SLCO1C1: variants seen among roughly 807,000 people sequenced by gnomAD.
SLCO1C1 encodes the protein OAT-RP-5.
SLCO1C1 carries 70 observed loss-of-function variants against 76.4 expected under a neutral mutation model. The ratio of observed to expected loss-of-function variants is 0.92; its 90% CI spans 0.76 to 1.12. The LOEUF (loss-of-function observed/expected upper bound fraction) is 1.12, where lower values mean the gene tolerates loss of function less well. SLCO1C1 is among the 50% of genes most tolerant of loss of function. The pLI is 0.00. For missense variants in SLCO1C1, 912 were observed against 823.8 expected, an observed-to-expected ratio of 1.11 and a Z score of -1.31; for synonymous variants, 306 against 286.1, an observed-to-expected ratio of 1.07 and a Z score of -0.70.
At chr12:20,717,531 G>T (rs565879616) in intron 7 of SLCO1C1, among the ~76,000 whole-genome samples, 1 of 151,556 alleles carries the variant, frequency 6.6e-6, no homozygotes, top group East Asian at 1.9e-4. Context: ...CTACTTGTTG[G>T]CTCTTATTGG....
At chr12:20,750,582 G>T in intron 13 of SLCO1C1, 93 bp from the exon 14 acceptor site, 1 of 1,144,438 alleles carries the variant, frequency 8.7e-7, no homozygotes. Flanking sequence ...CTCCAAAACA[G>T]TAATTAGATT....
chr12:20,699,254 A>G (rs1946406271), intron 1 of SLCO1C1, among the ~76,000 whole-genome samples: 1 of 152,060 alleles, frequency 6.6e-6, no homozygotes, highest in Non-Finnish European at 1.5e-5. Flanking sequence ...CCACAAAGTT[A>G]GCAAAATTCT....
At chr12:20,699,424 T>G in intron 1 of SLCO1C1, 128 bp from the exon 2 acceptor site, 1 of 750,164 alleles carries the variant, frequency 1.3e-6, no homozygotes, top group Non-Finnish European at 2.0e-6. Context: ...TTTGCCAACT[T>G]ACTGTGACAA....
At chr12:20,733,744 T>C (rs977306039) in intron 10 of SLCO1C1, among the ~76,000 whole-genome samples, 9 of 152,162 alleles carry the variant, frequency 5.9e-5, no homozygotes, top group Admixed American at 5.2e-4. Context: ...TGTCTTGCAA[T>C]TGGTCAGGAG....
intron 10 of SLCO1C1, among the ~76,000 whole-genome samples, chr12:20,735,101 T>C (rs1948478614): frequency 6.6e-6 from 1 of 152,210 alleles, no homozygotes; most frequent in Non-Finnish European, 1.5e-5. Context: ...CCCCTGATGA[T>C]AAATTAAACT....
At chr12:20,734,651 A>C (rs1948460957) in intron 10 of SLCO1C1, among the ~76,000 whole-genome samples, 1 of 152,202 alleles carries the variant, frequency 6.6e-6, no homozygotes, top group African/African-American at 2.4e-5. Context: ...CTGCATCATA[A>C]TTTCTAAGCC....
chr12:20,707,518 T>C (rs895599734), intron 4 of SLCO1C1, among the ~76,000 whole-genome samples: 2 of 152,122 alleles, frequency 1.3e-5, no homozygotes, highest in Non-Finnish European at 2.9e-5. Flanking sequence ...TATGTGACAA[T>C]GGCTACACTA....
At chr12:20,740,795 A>ATATATATATG (rs1282805869) in intron 12 of SLCO1C1, among the ~76,000 whole-genome samples, 1 of 119,320 alleles carries the variant, frequency 8.4e-6, no homozygotes, top group African/African-American at 3.0e-5. Context: ...ATTTATATAT[A>ATATATATATG]TATATATATA....
At chr12:20,731,934 G>A (rs112782714) in intron 9 of SLCO1C1, among the ~76,000 whole-genome samples, 7 of 152,204 alleles carry the variant, frequency 4.6e-5, no homozygotes, top group African/African-American at 1.7e-4. Context: ...CCTCAATAAT[G>A]CTATTATTAG....
At chr12:20,727,401 G>A (rs149739069) in intron 9 of SLCO1C1, among the ~76,000 whole-genome samples, 1 of 152,142 alleles carries the variant, frequency 6.6e-6, no homozygotes, top group Non-Finnish European at 1.5e-5. Flanking sequence ...ATTTTGACTG[G>A]TGTGAGATGG....
chr12:20,711,243 A>T, intron 4 of SLCO1C1, 143 bp from the exon 5 acceptor site: 2 of 907,740 alleles, frequency 2.2e-6, no homozygotes, highest in Non-Finnish European at 3.2e-6. Context: ...ATCTGCTGTT[A>T]AACACTGGCT....
intron 8 of SLCO1C1, 54 bp downstream of exon 8, chr12:20,722,103 G>A: frequency 1.3e-6 from 2 of 1,555,954 alleles, no homozygotes; most frequent in Middle Eastern, 2.0e-4. Flanking sequence ...GGGGCTTAAG[G>A]AGATTTATAA....
At position 20,721,870 on chromosome 12, in the gene SLCO1C1, C is replaced by A. The variant is rs978694763; in HGVS notation, c.842C>A (p.Ala281Glu). The A allele has an allele frequency of 1.9e-6, 3 of 1,613,998 alleles. No individual in the cohort carries two copies. The African/African-American group carries it at 4.0e-5, about 22-fold the overall frequency. ...VGAWWLGYLI[A>E]GIISLLAAVP... ...GCCTGGTGGCTTGGCTATCTAATAGCAGGAATCATAAGTCTTCTTGCAGCT... is the reference window on the plus strand; with the variant it reads ...GCCTGGTGGCTTGGCTATCTAATAGAAGGAATCATAAGTCTTCTTGCAGCT... The change falls in exon 8 of 15, where the codon GCA (alanine) becomes GAA (glutamate). Residue 281 changes from alanine to glutamate, a missense_variant. Coordinates refer to ENST00000266509, the MANE Select transcript of SLCO1C1 (RefSeq NM_017435.5).
chr12:20,736,717 A>AAC (rs1025347535), intron 10 of SLCO1C1, among the ~76,000 whole-genome samples: 8 of 151,854 alleles, frequency 5.3e-5, no homozygotes, highest in Admixed American at 2.0e-4. Context: ...GCACACACAC[A>AAC]ACACACACAC....
At chr12:20,717,517 G>A (rs1258933817) in intron 7 of SLCO1C1, among the ~76,000 whole-genome samples, 2 of 151,682 alleles carry the variant, frequency 1.3e-5, no homozygotes, top group East Asian at 1.9e-4. Flanking sequence ...ACTGAAAACT[G>A]TAGCTACTTG....
Position 20,709,298 on chromosome 12 carries a change from C to T in SLCO1C1, c.405-2088C>T, listed in dbSNP as rs975080892. 5.3e-5 allele frequency among the ~76,000 whole-genome samples: 8 copies of T among 152,122 alleles called. No homozygotes were observed. The East Asian group carries it at 1.3e-3, about 26-fold the overall frequency. ...ACAACTCAGTTAATTAAAACCTAAA[C>T]GTTAATTTTTTTAGAGTATCACAGA... On this transcript the variant is annotated intron_variant, in intron 4 of 14. Transcript: ENST00000266509.
chr12:20,734,995 G>C (rs1422668941), intron 10 of SLCO1C1, among the ~76,000 whole-genome samples: 1 of 151,976 alleles, frequency 6.6e-6, no homozygotes, highest in Non-Finnish European at 1.5e-5. Context: ...TAAACATTCT[G>C]GCATATTTGT....
intron 9 of SLCO1C1, 29 bp from the exon 10 acceptor site, chr12:20,732,880 C>G: frequency 6.2e-7 from 1 of 1,609,060 alleles, no homozygotes; most frequent in Non-Finnish European, 8.5e-7. Context: ...TAGAGATTCA[C>G]AAAATGATAT....
chr12:20,740,466 G>T (rs1032491138), intron 12 of SLCO1C1, 98 bp downstream of exon 12: 3 of 1,083,890 alleles, frequency 2.8e-6, no homozygotes, highest in Non-Finnish European at 1.3e-6. Context: ...ATTCCTCTTA[G>T]TTTTTTCAAG....
Sources: allele counts gnomAD v4.1 joint callset (sites outside exome capture counted in the v4.1 genomes callset), GRCh38; gene constraint gnomAD v4.1.1; transcripts MANE v1.5; gene names NCBI Gene and HGNC (gene_info 2026-07-23, HGNC 2026-07-21).